Variants in PDZD2 observed in about 807,000 individuals in gnomAD.
PDZD2 encodes PDZ domain-containing protein 2.
Under a neutral mutation model 220.7 loss-of-function variants are expected in PDZD2, and 90 were observed. The observed-to-expected ratio is 0.41, with a 90% CI of 0.34 to 0.49. PDZD2 has a LOEUF of 0.49. Among genes scored for constraint, PDZD2 ranks in the 20% least tolerant of loss-of-function variants. The probability of loss-of-function intolerance (pLI) is 0.28; values close to 1 mark genes in which losing one functional copy is unlikely to be tolerated. For synonymous variants in PDZD2, 1,375 were observed against 1,450.5 expected, an observed-to-expected ratio of 0.95 and a Z score of 1.18; for missense variants, 3,174 against 3,608.5, an observed-to-expected ratio of 0.88 and a Z score of 3.08.
rs201880311 is a variant in PDZD2 at position 31,989,426 on chromosome 5, T to C, written c.978+5770T>C. On this transcript the variant is annotated intron_variant, in intron 3 of 24. Transcript: ENST00000438447. ...TATATACCACATTTTCTTTTCTTTT[T>C]TTTTTTTTTTTTTTGAGACGAAGTC... is the stretch of plus-strand genomic sequence containing the variant. Among the ~76,000 whole-genome samples, 39 of 146,464 alleles carry C rather than the reference T, an allele frequency of 2.7e-4. No individual in the cohort carries two copies. The East Asian group carries it at 4.4e-3, about 17-fold the overall frequency.
chr5:32,007,165 G>A (rs1393387364), intron 5 of PDZD2, among the ~76,000 whole-genome samples: 3 of 151,550 alleles, frequency 2.0e-5, no homozygotes, highest in Non-Finnish European at 4.4e-5. Flanking sequence ...TGATCCACCC[G>A]CTTTGGCCTC....
At chr5:31,893,878 CATTTATTTATTT>C (rs66512107) in intron 2 of PDZD2, among the ~76,000 whole-genome samples, 3 of 148,216 alleles carry the variant, frequency 2.0e-5, no homozygotes, top group Admixed American at 6.8e-5. Flanking sequence ...ATAATCAGCA[CATTTATTTATTT>C]ATTTATTTAT....
Position 32,074,257 on chromosome 5 carries a change from G to C in PDZD2, c.3151G>C (p.Asp1051His), listed in dbSNP as rs1293591782. 1.2e-6 allele frequency: 2 copies of C among 1,614,206 alleles called. No individual in the cohort carries two copies. The highest frequency in any genetic ancestry group is 2.2e-5 in the South Asian group (2 of 91,090). ...GGAGAGTATCCCAGAGGGCATGGTGGATGCTGCGTCCTATGCAGCCAACCT... is the reference window on the plus strand; with the variant it reads ...GGAGAGTATCCCAGAGGGCATGGTGCATGCTGCGTCCTATGCAGCCAACCT... ...LEESIPEGMV[D>H]AASYAANLTD... is the part of the protein sequence containing the mutation. Residue 1051 changes from aspartate (D) to histidine (H), a missense_variant, in exon 18 of 25, where the codon GAT becomes CAT. Physicochemically the swap from Asp to His is moderately conservative, Grantham distance 81. Transcript: ENST00000438447.
chr5:31,775,526 C>G (rs1258189056), intron 1 of PDZD2, among the ~76,000 whole-genome samples: 1 of 152,100 alleles, frequency 6.6e-6, no homozygotes, highest in Non-Finnish European at 1.5e-5. Flanking sequence ...TGTCCCTACT[C>G]CAGTCTGCCT....
At chr5:31,850,544 G>A (rs143249473) in intron 2 of PDZD2, among the ~76,000 whole-genome samples, 3 of 151,448 alleles carry the variant, frequency 2.0e-5, no homozygotes, top group Admixed American at 6.6e-5. Context: ...GATAGATGGA[G>A]ATTGCACAGT....
At chr5:31,918,421 T>C (rs913476879) in intron 2 of PDZD2, among the ~76,000 whole-genome samples, 4 of 152,284 alleles carry the variant, frequency 2.6e-5, no homozygotes, top group African/African-American at 9.6e-5. Context: ...AAAGTGAAGA[T>C]AGAGAAAGAA....
intron 1 of PDZD2, among the ~76,000 whole-genome samples, chr5:31,773,892 G>A (rs10056319): frequency 0.054 from 8,188 of 152,102 alleles, 694 homozygotes; most frequent in African/African-American, 0.18. Context: ...ATCATAGATG[G>A]AAGAGTGTTG....
rs556430344 is a variant in PDZD2 at position 31,980,780 on chromosome 5, G to GTGTT, written c.477-2356_477-2353dup. Among the ~76,000 whole-genome samples the GTGTT allele has an allele frequency of 9.8e-4, 149 of 152,186 alleles. 1 individual carries two copies. The highest frequency in any genetic ancestry group is 1.6e-3 in the Non-Finnish European group (107 of 67,974). ...TTTTTATTTTTGAGACTAGTGGATG[G>GTGTT]TGTTTGTTTGTTTGTTTGTTTGAGA... is the stretch of plus-strand genomic sequence containing the variant. On this transcript the variant is annotated intron_variant, in intron 2 of 24. Transcript: ENST00000438447.
chr5:31,710,848 G>A (rs1203834877), intron 1 of PDZD2, among the ~76,000 whole-genome samples: 1 of 151,610 alleles, frequency 6.6e-6, no homozygotes, highest in Admixed American at 6.6e-5. Context: ...AGAGATATGA[G>A]AGGCTACCTC....
chr5:31,757,851 C>T (rs987645275), intron 1 of PDZD2, among the ~76,000 whole-genome samples: 30 of 152,350 alleles, frequency 2.0e-4, no homozygotes, highest in African/African-American at 4.8e-4. Flanking sequence ...CTTCCCTCCC[C>T]GCAAAGCCAC....
intron 1 of PDZD2, among the ~76,000 whole-genome samples, chr5:31,705,303 G>C (rs1176815791): frequency 1.3e-5 from 2 of 152,118 alleles, no homozygotes; most frequent in African/African-American, 4.8e-5. Context: ...GACAGAATTA[G>C]AGAATAATTT....
intron 6 of PDZD2, among the ~76,000 whole-genome samples, chr5:32,028,393 T>C (rs773714430): frequency 2.0e-5 from 3 of 152,188 alleles, no homozygotes; most frequent in Non-Finnish European, 2.9e-5. Context: ...TGCCAGAAAC[T>C]AAAACTCAGT....
chr5:31,910,705 T>C (rs1329914016), intron 2 of PDZD2, among the ~76,000 whole-genome samples: 1 of 151,716 alleles, frequency 6.6e-6, no homozygotes, highest in Non-Finnish European at 1.5e-5. Flanking sequence ...TTTTTTTGTA[T>C]TTTTAGTAGA....
intron 2 of PDZD2, among the ~76,000 whole-genome samples, chr5:31,869,622 T>A: frequency 6.6e-6 from 1 of 152,174 alleles, no homozygotes; most frequent in East Asian, 1.9e-4. Flanking sequence ...GCACCTTTTA[T>A]AGCTTGGAAT....
rs985466746 is a variant in PDZD2, at chr5:31,817,923, C to T, written c.476+18199C>T. 2.1e-4 allele frequency among the ~76,000 whole-genome samples: 31 copies of T among 150,634 alleles called. 1 individual carries two copies. The highest frequency in any genetic ancestry group is 4.7e-4 in the African/African-American group (19 of 40,772). ...AGGTGATCCGCCTGCCTTGGCCTCCCGAAGTACTGGGATTACTGGCATGAG... is the reference window on the plus strand; with the variant it reads ...AGGTGATCCGCCTGCCTTGGCCTCCTGAAGTACTGGGATTACTGGCATGAG... On this transcript the variant is annotated intron_variant, in intron 2 of 24. Transcript: ENST00000438447.
At chr5:32,052,935 C>T (rs944061212) in intron 9 of PDZD2, among the ~76,000 whole-genome samples, 1 of 152,168 alleles carries the variant, frequency 6.6e-6, no homozygotes, top group African/African-American at 2.4e-5. Flanking sequence ...CTCGACTTCC[C>T]AAAGCACTGA....
intron 18 of PDZD2, among the ~76,000 whole-genome samples, chr5:32,076,785 A>G (rs1408583893): frequency 2.6e-5 from 4 of 152,226 alleles, no homozygotes; most frequent in African/African-American, 9.6e-5. Context: ...TAGAAAATTA[A>G]CTGAGTTAAA....
At chr5:31,873,533 T>TTTTATTTATTTATTTATTTATTTA (rs57704132) in intron 2 of PDZD2, among the ~76,000 whole-genome samples, 1 of 143,998 alleles carries the variant, frequency 6.9e-6, no homozygotes, top group Non-Finnish European at 1.5e-5. Flanking sequence ...TGAAAATTCT[T>TTTTATTTATTTATTTATTTATTTA]TTTATTTATT....
At chr5:31,716,181 T>A (rs1338326485) in intron 1 of PDZD2, among the ~76,000 whole-genome samples, 1 of 152,232 alleles carries the variant, frequency 6.6e-6, no homozygotes, top group Non-Finnish European at 1.5e-5. Flanking sequence ...TTGAAGAGGA[T>A]GTACTTTGCA....
Sources: allele counts gnomAD v4.1 joint callset (sites outside exome capture counted in the v4.1 genomes callset), GRCh38; gene constraint gnomAD v4.1.1; transcripts MANE v1.5; gene names NCBI Gene and HGNC (gene_info 2026-07-23, HGNC 2026-07-21).